LONRF2: variants seen among roughly 807,000 people sequenced by gnomAD.
LONRF2 encodes the protein LON peptidase N-terminal domain and ring finger 2.
Under a neutral mutation model 66.6 loss-of-function variants are expected in LONRF2, and 35 were observed. The ratio of observed to expected loss-of-function variants is 0.53; its 90% confidence interval spans 0.40 to 0.70. The LOEUF is 0.70. Ranked by LOEUF, LONRF2 falls within the 30% of genes least tolerant of loss-of-function variation. The probability of loss-of-function intolerance (pLI) is 0.00; values close to 1 mark genes in which losing one functional copy is unlikely to be tolerated. For synonymous variants in LONRF2, 417 were observed against 418.1 expected, an observed-to-expected ratio of 1.00 and a Z score of 0.03; for missense variants, 902 against 1,002.1, an observed-to-expected ratio of 0.90 and a Z score of 1.35.
chr2:100,321,575 CCG>C lies in LONRF2; in HGVS notation c.517_518del (p.Arg173AlafsTer56). On this transcript the variant is annotated frameshift_variant, in exon 1 of 12. Coordinates refer to ENST00000393437, the MANE Select transcript of LONRF2 (RefSeq NM_198461.4). LOFTEE classifies it high-confidence loss of function. ...CCACGTTCACGCGCCGCACCTGCGGCCGCGCGGGCCCTGGCTCCACGCAGCGC... is the reference window on the plus strand; with the variant it reads ...CCACGTTCACGCGCCGCACCTGCGGCCGCGGGCCCTGGCTCCACGCAGCGC... ...CKRCVEPGPARPQVRRVNVVL... is the reference protein window; with the variant it reads ...CKRCVEPGPAXPQVRRVNVVL... The C allele has an allele frequency of 6.5e-7, 1 of 1,532,912 alleles. No homozygotes were observed. Among genetic ancestry groups the C allele is most frequent in the Non-Finnish European group, 8.7e-7 (1 of 1,152,156 alleles). 95.0% of individuals were successfully genotyped at this position (1,532,912 alleles called of 1,614,324 possible).
In LONRF2 at chr2:100,309,506, G is replaced by A. The variant is rs577309254; in HGVS notation, c.680-281C>T. On this transcript the variant is annotated intron_variant, in intron 1 of 11. Coordinates refer to ENST00000393437, the MANE Select transcript of LONRF2 (RefSeq NM_198461.4). ...GCACCAAGAAAAACAGACTGCCACT[G>A]AGTATTCCTACACACACACGAGCTA... The A allele has an allele frequency of 1.2e-4, 23 of 185,024 alleles. No homozygotes were observed. The South Asian group carries it at 3.5e-3, about 28-fold the overall frequency. 11.5% of individuals were successfully genotyped at this position (185,024 alleles called of 1,614,324 possible).
chr2:100,281,884 G>A lies in LONRF2; in HGVS notation c.*2414C>T, dbSNP rs1335373063. 6.6e-6 allele frequency: 1 copy of A among 151,756 alleles called. No homozygotes were observed. Among genetic ancestry groups the A allele is most frequent in the Non-Finnish European group, 1.5e-5 (1 of 67,982 alleles). The allele number at this position is 151,756 out of a possible 1,614,324, so 9.4% of individuals were successfully genotyped here. A position where few individuals can be genotyped will look rare whatever the true frequency, so the allele number is the denominator to read the frequency against. On this transcript the variant is annotated 3_prime_UTR_variant, in exon 12 of 12. Coordinates refer to ENST00000393437, the MANE Select transcript of LONRF2 (RefSeq NM_198461.4). ...TTAATTGGTAGCAAACTGAAGCTGG[G>A]GTTTTTTTTTTTTAGGTTTGTAAGG...
At position 100,275,036 on chromosome 2, in the gene LONRF2, C is replaced by T. The variant is rs149754417; in HGVS notation, c.*9262G>A. 35 of 152,508 alleles carry T rather than the reference C, an allele frequency of 2.3e-4. No individual in the cohort carries two copies. Among genetic ancestry groups the T allele is most frequent in the African/African-American group, 7.9e-4 (33 of 41,586 alleles). The allele number at this position is 152,508 out of a possible 1,614,324, so 9.4% of individuals were successfully genotyped here. A position where few individuals can be genotyped will look rare whatever the true frequency, so the allele number is the denominator to read the frequency against. ...CGTGGCTTACTAACTGGACCCCCAC[C>T]CTGGGGAGCATGGCCGCTGCTGGCA... On this transcript the variant is annotated 3_prime_UTR_variant, in exon 12 of 12. Transcript: ENST00000393437.
chr2:100,295,295 A>AC, intron 8 of LONRF2, 137 bp downstream of exon 8: 1 of 653,696 alleles, frequency 1.5e-6, no homozygotes, highest in South Asian at 3.6e-5. Flanking sequence ...GTTTCCAAAA[A>AC]TATTTTGCAA....
chr2:100,294,742 C>T (rs985768376), intron 8 of LONRF2, among the ~76,000 whole-genome samples: 4 of 152,086 alleles, frequency 2.6e-5, no homozygotes, highest in Admixed American at 6.5e-5. Flanking sequence ...GTGATAAGAT[C>T]GCTACTAAAA....
chr2:100,286,896 G>C lies in LONRF2; in HGVS notation c.2070+18C>G, dbSNP rs1357764015. 6.2e-7 allele frequency: 1 copy of C among 1,611,048 alleles called. No individual in the cohort carries two copies. Among genetic ancestry groups the C allele is most frequent in the African/African-American group, 1.3e-5 (1 of 74,774 alleles). The stretch of plus-strand genomic sequence containing the variant: ...AGCAGGAAGTAACAGAATTATAAAG[G>C]AAAAAGGGAGGGCATACCTGAGGCT... On this transcript the variant is annotated intron_variant, in intron 11 of 11. Transcript: ENST00000393437.
At chr2:100,291,537 C>G (rs1422928787) in intron 9 of LONRF2, among the ~76,000 whole-genome samples, 1 of 152,018 alleles carries the variant, frequency 6.6e-6, no homozygotes, top group East Asian at 1.9e-4. Flanking sequence ...CATCTCCTTG[C>G]CTCCCCCTCA....
chr2:100,299,061 T>A, intron 6 of LONRF2, 111 bp from the exon 7 acceptor site: 1 of 903,938 alleles, frequency 1.1e-6, no homozygotes, highest in Admixed American at 2.2e-5. Context: ...TAGAAATCAC[T>A]TGCATGCACT....
intron 7 of LONRF2, among the ~76,000 whole-genome samples, chr2:100,298,178 G>A (rs1675110826): frequency 6.6e-6 from 1 of 152,182 alleles, no homozygotes; most frequent in South Asian, 2.1e-4. Context: ...CAATACAGCT[G>A]ATATGGATTC....
At chr2:100,286,305 C>T (rs1213757511) in intron 11 of LONRF2, among the ~76,000 whole-genome samples, 1 of 152,152 alleles carries the variant, frequency 6.6e-6, no homozygotes, top group Non-Finnish European at 1.5e-5. Context: ...CAGGCACAAT[C>T]TTAAACCAGC....
At position 100,281,413 on chromosome 2, in the gene LONRF2, C is replaced by G. The variant is rs1049505674; in HGVS notation, c.*2885G>C. ...GAATTGGTTAAGAATTATTGTGTTT[C>G]TATGGATAAACCTTAACATTTTAAA... is the stretch of plus-strand genomic sequence containing the variant. On this transcript the variant is annotated 3_prime_UTR_variant, in exon 12 of 12. Coordinates refer to ENST00000393437, the MANE Select transcript of LONRF2 (RefSeq NM_198461.4). 5.3e-5 allele frequency: 8 copies of G among 152,130 alleles called. No individual in the cohort carries two copies. The East Asian group carries it at 1.5e-3, about 29-fold the overall frequency. 9.4% of individuals were successfully genotyped at this position (152,130 alleles called of 1,614,324 possible). A position where few individuals can be genotyped will look rare whatever the true frequency, so the allele number is the denominator to read the frequency against.
intron 2 of LONRF2, among the ~76,000 whole-genome samples, chr2:100,307,210 G>A (rs866763793): frequency 6.6e-5 from 10 of 152,198 alleles, no homozygotes; most frequent in East Asian, 3.9e-4. Flanking sequence ...GTGAGCCACC[G>A]CGCCCGGCCT....
chr2:100,318,786 C>A lies in LONRF2; in HGVS notation c.679+2629G>T, dbSNP rs141682942. On this transcript the variant is annotated intron_variant, in intron 1 of 11. Transcript: ENST00000393437. ...AGGCAGAGGTTGCAGTGACCGATATCATGTCACTGCAGTCCAGCCTGGGTG... is the reference window on the plus strand; with the variant it reads ...AGGCAGAGGTTGCAGTGACCGATATAATGTCACTGCAGTCCAGCCTGGGTG... Among the ~76,000 whole-genome samples, 211 of 147,410 alleles carry A rather than the reference C, an allele frequency of 1.4e-3. 3 individuals are homozygous for A. The highest frequency in any genetic ancestry group is 5.1e-3 in the African/African-American group (203 of 40,192).
Position 100,321,852 on chromosome 2 carries a change from A to G in LONRF2, c.242T>C (p.Phe81Ser), listed in dbSNP as rs1675639714. The G allele has an allele frequency of 8.5e-7, 1 of 1,173,670 alleles. No individual in the cohort carries two copies. The highest frequency in any genetic ancestry group is 1.0e-6 in the Non-Finnish European group (1 of 953,470). The allele number at this position is 1,173,670 out of a possible 1,614,324, so 72.7% of individuals were successfully genotyped here. Residue 81 changes from phenylalanine (F) to serine (S), a missense_variant, in exon 1 of 12, where the codon TTC (phenylalanine) becomes TCC (serine). Phe to Ser is a radical substitution (Grantham distance 155, BLOSUM62 -2). Around this residue, in one of 2 missense-constraint regions of LONRF2, gnomAD observed 585 missense variants for 569.9 expected, o/e 1.03. Coordinates refer to ENST00000393437, the MANE Select transcript of LONRF2 (RefSeq NM_198461.4). ...AGRLPEALGA[F>S]RGAARLGALR... The stretch of plus-strand genomic sequence containing the variant: ...CGCCCCGAGCCGCGCGGCGCCGCGG[A>G]ACGCGCCCAGGGCTTCGGGGAGGCG...
chr2:100,303,004 T>C lies in LONRF2; in HGVS notation c.838A>G (p.Arg280Gly). ...AATTCCTTTAACACTTCCTTACTTC[T>C]TCCCAATCCAGAAAGAGCCTGAGCT... ...VKAQALSGLG[R>G]SKEVLKEFLY... is the part of the protein sequence containing the mutation. Residue 280 changes from arginine (R) to glycine (G), a missense_variant, in exon 3 of 12, where the codon AGA becomes GGA. Coordinates refer to ENST00000393437, the MANE Select transcript of LONRF2 (RefSeq NM_198461.4). The C allele has an allele frequency of 6.2e-7, 1 of 1,610,770 alleles. No individual in the cohort carries two copies. The highest frequency in any genetic ancestry group is 1.7e-5 in the Admixed American group (1 of 59,736).
At position 100,277,049 on chromosome 2, in the gene LONRF2, A is replaced by G. The variant is rs1219131597; in HGVS notation, c.*7249T>C. On this transcript the variant is annotated 3_prime_UTR_variant, in exon 12 of 12. Transcript: ENST00000393437. Reference sequence around the variant, plus strand: ...TCTGATGGCAATGTAGTCCTCATTTACAAATTTTACTTAATCTTCTTGCTG... The same window carrying G: ...TCTGATGGCAATGTAGTCCTCATTTGCAAATTTTACTTAATCTTCTTGCTG... The G allele has an allele frequency of 3.3e-5, 5 of 152,238 alleles. No homozygotes were observed. Among genetic ancestry groups the G allele is most frequent in the African/African-American group, 9.6e-5 (4 of 41,472 alleles). 9.4% of individuals were successfully genotyped at this position (152,238 alleles called of 1,614,324 possible).
rs756904460 is a variant in LONRF2, at chr2:100,299,870, AAACT to A, written c.1110_1113del (p.Val371CysfsTer16). The A allele has an allele frequency of 6.2e-7, 1 of 1,612,826 alleles. No homozygotes were observed. Among genetic ancestry groups the A allele is most frequent in the South Asian group, 1.1e-5 (1 of 91,016 alleles). ...AAGTGTAGACCCAGTATAAAATACA[AAACT>A]GAAGAATTGGTATTTCCAAGCATAT... On this transcript the variant is annotated frameshift_variant, in exon 5 of 12. Transcript: ENST00000393437. LOFTEE classifies it high-confidence loss of function.
chr2:100,291,478 G>T (rs1674958641), intron 9 of LONRF2, among the ~76,000 whole-genome samples: 1 of 151,830 alleles, frequency 6.6e-6, no homozygotes, highest in African/African-American at 2.4e-5. Flanking sequence ...TGCCAGCTCT[G>T]CCCTCCCCAA....
intron 7 of LONRF2, 121 bp from the exon 8 acceptor site, chr2:100,295,674 G>T: frequency 1.0e-6 from 1 of 952,994 alleles, no homozygotes. Flanking sequence ...AGAAGGAAAA[G>T]GGATGGAGAG....
Sources: gnomAD v4.1 joint callset for allele counts (sites outside exome capture counted in the v4.1 genomes callset) on GRCh38, gnomAD v4.1.1 for gene constraint, gnomAD v4.1.1 regional missense constraint, MANE v1.5 for transcripts, NCBI Gene and HGNC (gene_info 2026-07-23, HGNC 2026-07-21) for gene names.